The following FBXW11 variants were observed in gnomAD, a reference collection of about 807,000 sequenced individuals.
The protein encoded by FBXW11 is F-box/WD repeat-containing protein 11.
Under a neutral mutation model 77.6 loss-of-function variants are expected in FBXW11, and 19 were observed. The ratio of observed to expected loss-of-function variants is 0.24; its 90% confidence interval spans 0.17 to 0.36. The LOEUF is 0.36. Among genes scored for constraint, FBXW11 ranks in the 10% least tolerant of loss-of-function variants. The probability of loss-of-function intolerance (pLI) is 1.00; values close to 1 mark genes in which losing one functional copy is unlikely to be tolerated. For missense variants in FBXW11, 334 were observed against 704.2 expected (o/e 0.47, Z 5.95); for synonymous variants, 235 against 249.4 (o/e 0.94, Z 0.54).
chr5:171,923,890 G>A (rs1028606029), intron 2 of FBXW11, among the ~76,000 whole-genome samples: 3 of 149,822 alleles, frequency 2.0e-5, no homozygotes, highest in Non-Finnish European at 4.4e-5. Context: ...ACAGGGGAGG[G>A]TCCGCGGTGA....
At chr5:171,889,396 C>A (rs1759149347) in intron 7 of FBXW11, among the ~76,000 whole-genome samples, 1 of 151,928 alleles carries the variant, frequency 6.6e-6, no homozygotes, top group South Asian at 2.1e-4. Context: ...GGCATGGTGG[C>A]TCATGCCTGT....
At chr5:171,889,641 C>A (rs1759175863) in intron 7 of FBXW11, among the ~76,000 whole-genome samples, 1 of 151,680 alleles carries the variant, frequency 6.6e-6, no homozygotes, top group East Asian at 1.9e-4. Context: ...AATCGGGGCA[C>A]TTTGGGAGGC....
At chr5:171,906,095 T>C (rs1469060742) in intron 4 of FBXW11, among the ~76,000 whole-genome samples, 2 of 152,222 alleles carry the variant, frequency 1.3e-5, no homozygotes, top group East Asian at 3.8e-4. Context: ...AACTCAAATG[T>C]CAATTAAATG....
chr5:171,881,464 G>C (rs541875948), intron 7 of FBXW11, among the ~76,000 whole-genome samples: 2 of 152,106 alleles, frequency 1.3e-5, no homozygotes, highest in African/African-American at 4.8e-5. Flanking sequence ...ATCTATTGAC[G>C]TGATTTTCTT....
intron 2 of FBXW11, among the ~76,000 whole-genome samples, chr5:171,941,535 T>C (rs535476508): frequency 4.7e-4 from 72 of 151,662 alleles, no homozygotes; most frequent in Non-Finnish European, 8.0e-4. Flanking sequence ...AACCTGTCAG[T>C]GCTAATTTAC....
At chr5:171,985,458 A>T (rs1392335119) in intron 1 of FBXW11, among the ~76,000 whole-genome samples, 1 of 151,780 alleles carries the variant, frequency 6.6e-6, no homozygotes, top group Non-Finnish European at 1.5e-5. Flanking sequence ...CCCAGTATCT[A>T]AAAAAAATTA....
At chr5:171,916,582 T>A (rs191610914) in intron 2 of FBXW11, 35 of 449,668 alleles carry the variant, frequency 7.8e-5, no homozygotes, top group African/African-American at 7.2e-4. Context: ...GGTCTCTCCA[T>A]GTAATCTTTT....
intron 10 of FBXW11, among the ~76,000 whole-genome samples, chr5:171,871,138 T>G (rs1757729214): frequency 6.6e-6 from 1 of 152,238 alleles, no homozygotes; most frequent in South Asian, 2.1e-4. Context: ...GTATTACTAT[T>G]TAAATAAAAT....
intron 1 of FBXW11, among the ~76,000 whole-genome samples, chr5:171,983,136 G>A (rs1039430778): frequency 6.6e-6 from 1 of 152,088 alleles, no homozygotes; most frequent in African/African-American, 2.4e-5. Context: ...GCTGTGGTGA[G>A]CTGTTTGTGC....
intron 2 of FBXW11, among the ~76,000 whole-genome samples, chr5:171,923,909 CTTTTTTTTTTTT>C (rs70982354): frequency 3.0e-4 from 15 of 49,192 alleles, no homozygotes; most frequent in South Asian, 1.4e-3. Flanking sequence ...GAAACCCCAC[CTTTTTTTTTTTT>C]TTTTTTTTTT....
chr5:171,979,244 G>C (rs1434166280), intron 1 of FBXW11, among the ~76,000 whole-genome samples: 1 of 152,114 alleles, frequency 6.6e-6, no homozygotes, highest in Non-Finnish European at 1.5e-5. Flanking sequence ...TTGAGCCTGG[G>C]AGGTCAAGGT....
chr5:171,949,648 G>A (rs1319060235), intron 2 of FBXW11, among the ~76,000 whole-genome samples: 2 of 151,932 alleles, frequency 1.3e-5, no homozygotes, highest in African/African-American at 4.8e-5. Context: ...TTTAAATAAG[G>A]CCATCATTAG....
At position 171,862,624 on chromosome 5, in the gene FBXW11, G is replaced by A. The variant is rs1293933452; in HGVS notation, c.*1503C>T. On this transcript the variant is annotated 3_prime_UTR_variant, in exon 14 of 14. Coordinates refer to ENST00000517395, the MANE Select transcript of FBXW11 (RefSeq NM_001378974.1). ...GATGCCAACGTCCTTTCCATGCACT[G>A]TCAGGGCAACAGTGCCATTTACACA... 6.5e-6 allele frequency: 1 copy of A among 152,698 alleles called. No individual in the cohort carries two copies. The highest frequency in any genetic ancestry group is 6.5e-5 in the Admixed American group (1 of 15,286). The allele number at this position is 152,698 out of a possible 1,614,324, so 9.5% of individuals were successfully genotyped here. A position where few individuals can be genotyped will look rare whatever the true frequency, so the allele number is the denominator to read the frequency against.
intron 2 of FBXW11, among the ~76,000 whole-genome samples, chr5:171,940,322 C>A (rs1369581671): frequency 6.6e-6 from 1 of 152,082 alleles, no homozygotes; most frequent in Non-Finnish European, 1.5e-5. Context: ...GTTTCTAATA[C>A]ATAGAACAAG....
intron 2 of FBXW11, among the ~76,000 whole-genome samples, chr5:171,916,281 TC>T (rs1761251728): frequency 6.6e-6 from 1 of 151,996 alleles, no homozygotes; most frequent in Admixed American, 6.6e-5. Flanking sequence ...ATGCTACTTT[TC>T]CCCTGTGTTA....
intron 1 of FBXW11, among the ~76,000 whole-genome samples, chr5:171,970,124 T>C (rs1764441248): frequency 6.6e-6 from 1 of 152,218 alleles, no homozygotes; most frequent in Non-Finnish European, 1.5e-5. Context: ...GAATAAAAGT[T>C]GGCCCTGTTA....
chr5:171,895,238 C>T (rs1007784618), intron 6 of FBXW11, among the ~76,000 whole-genome samples: 6 of 152,080 alleles, frequency 3.9e-5, no homozygotes, highest in South Asian at 2.1e-4. Flanking sequence ...CCTTACCCTG[C>T]GCAAATTTTC....
At chr5:171,970,022 A>C (rs1354153275) in intron 1 of FBXW11, among the ~76,000 whole-genome samples, 1 of 152,150 alleles carries the variant, frequency 6.6e-6, no homozygotes, top group Non-Finnish European at 1.5e-5. Context: ...TGGTATTTTT[A>C]ACATCTTTTG....
intron 7 of FBXW11, among the ~76,000 whole-genome samples, chr5:171,883,528 A>T (rs148322739): frequency 1.3e-5 from 2 of 152,168 alleles, no homozygotes; most frequent in African/African-American, 4.8e-5. Flanking sequence ...AAAGTATAAT[A>T]AAAAAAATAA....
Sources: allele counts gnomAD v4.1 joint callset (sites outside exome capture counted in the v4.1 genomes callset), GRCh38; gene constraint gnomAD v4.1.1; transcripts MANE v1.5; gene names NCBI Gene and HGNC (gene_info 2026-07-23, HGNC 2026-07-21).